KLF3: variants seen among roughly 807,000 people sequenced by gnomAD.
KLF3 encodes KLF transcription factor 3.
KLF3 carries 6 observed loss-of-function variants against 32.7 expected under a neutral mutation model. The observed-to-expected ratio is 0.18, with a 90% CI of 0.10 to 0.36. The LOEUF (loss-of-function observed/expected upper bound fraction) is 0.36, where lower values mean the gene tolerates loss of function less well. Among genes scored for constraint, KLF3 ranks in the 10% least tolerant of loss-of-function variants. The pLI, the probability that KLF3 is intolerant of heterozygous loss-of-function variation, is 1.00. For synonymous variants in KLF3, 145 were observed against 172.8 expected, an observed-to-expected ratio of 0.84 and a Z score of 1.26; for missense variants, 338 against 449.7, an observed-to-expected ratio of 0.75 and a Z score of 2.25.
At chr4:38,677,330 T>C (rs1048879453) in intron 1 of KLF3, among the ~76,000 whole-genome samples, 3 of 152,144 alleles carry the variant, frequency 2.0e-5, no homozygotes, top group African/African-American at 7.2e-5. Context: ...TAAACTTAGA[T>C]AAAACAAAAA....
At chr4:38,684,541 G>GTTTTTTTTTTTTTTTTTTTGT (rs1722633093) in intron 2 of KLF3, among the ~76,000 whole-genome samples, 1 of 109,176 alleles carries the variant, frequency 9.2e-6, no homozygotes, top group Non-Finnish European at 1.8e-5. Flanking sequence ...GGTTTTTTGT[G>GTTTTTTTTTTTTTTTTTTTGT]TTTTTTTTTT....
Position 38,688,559 on chromosome 4 carries a change from C to CA in KLF3, c.58-25dup, listed in dbSNP as rs1483584668. On this transcript the variant is annotated intron_variant, in intron 2 of 5. Transcript: ENST00000261438. This position sits in a 1 kb window ranked among gnomAD's most constrained non-coding sequence, Gnocchi z 4.9. The stretch of plus-strand genomic sequence containing the variant: ...GTAAATGGACTTATTTGGCTGTTGA[C>CA]ACGTTTTCCTTTTCTTTTCTAATAG... The CA allele has an allele frequency of 1.3e-6, 2 of 1,549,072 alleles. No individual in the cohort carries two copies. The highest frequency in any genetic ancestry group is 1.4e-5 in the African/African-American group (1 of 72,474).
intron 4 of KLF3, among the ~76,000 whole-genome samples, chr4:38,693,099 T>TACAC (rs1171380325): frequency 1.0e-5 from 1 of 95,634 alleles, no homozygotes; most frequent in Non-Finnish European, 2.1e-5. Flanking sequence ...CACGTATATA[T>TACAC]ATATGTACAT....
intron 4 of KLF3, among the ~76,000 whole-genome samples, chr4:38,693,735 A>G (rs1312659907): frequency 6.6e-6 from 1 of 152,222 alleles, no homozygotes; most frequent in Non-Finnish European, 1.5e-5. Flanking sequence ...TATATCAAGT[A>G]ATTAGTCATT....
At position 38,697,551 on chromosome 4, in the gene KLF3, A is replaced by AGG. The variant is rs1444050948; in HGVS notation, c.*290_*291dup. ...AGATACGTTTAATGTAATAAGAACAAGGGAACATGTAAACTAACATAACCA... is the reference window on the plus strand; with the variant it reads ...AGATACGTTTAATGTAATAAGAACAAGGGGGAACATGTAAACTAACATAACCA... On this transcript the variant is annotated 3_prime_UTR_variant, in exon 6 of 6. Coordinates refer to ENST00000261438, the MANE Select transcript of KLF3 (RefSeq NM_016531.6). 1.6e-5 allele frequency: 5 copies of AGG among 306,784 alleles called. No homozygotes were observed. Among genetic ancestry groups the AGG allele is most frequent in the Non-Finnish European group, 3.0e-5 (5 of 166,208 alleles). 19.0% of individuals were successfully genotyped at this position (306,784 alleles called of 1,614,324 possible).
rs993802267 is a variant in KLF3 at position 38,696,552 on chromosome 4, CT to C, written c.857-529del. Among the ~76,000 whole-genome samples, 97 of 152,168 alleles carry C rather than the reference CT, an allele frequency of 6.4e-4. 1 individual carries two copies. The highest frequency in any genetic ancestry group is 2.0e-3 in the African/African-American group (85 of 41,494). ...GAAGAATTCGTATATTTTAGTACCC[CT>C]GAATTAAAGCATTATACTTAGGCCT... On this transcript the variant is annotated intron_variant, in intron 5 of 5. Coordinates refer to ENST00000261438, the MANE Select transcript of KLF3 (RefSeq NM_016531.6).
At chr4:38,669,287 T>A (rs980707082) in intron 1 of KLF3, among the ~76,000 whole-genome samples, 4 of 152,182 alleles carry the variant, frequency 2.6e-5, no homozygotes, top group African/African-American at 9.7e-5. Flanking sequence ...TATGTGATAT[T>A]CTAGTCAGAA....
intron 1 of KLF3, among the ~76,000 whole-genome samples, chr4:38,669,995 T>TA (rs1722153790): frequency 7.6e-6 from 1 of 130,752 alleles, no homozygotes; most frequent in Non-Finnish European, 1.6e-5. Context: ...AGTAAGAAAA[T>TA]AAAAAAATGA....
chr4:38,667,427 C>T (rs1722078774), intron 1 of KLF3, among the ~76,000 whole-genome samples: 1 of 152,212 alleles, frequency 6.6e-6, no homozygotes, highest in African/African-American at 2.4e-5. Context: ...CATGTCTCTA[C>T]ACACTTGATA....
At chr4:38,675,592 AC>A (rs1422438955) in intron 1 of KLF3, among the ~76,000 whole-genome samples, 3 of 152,184 alleles carry the variant, frequency 2.0e-5, no homozygotes, top group African/African-American at 7.2e-5. Context: ...TGTGATACCC[AC>A]ATAAAATGAT....
intron 4 of KLF3, among the ~76,000 whole-genome samples, chr4:38,691,164 C>T (rs1472446725): frequency 6.6e-6 from 1 of 152,142 alleles, no homozygotes; most frequent in Non-Finnish European, 1.5e-5. Context: ...GGAGTCGGAG[C>T]AAAAGGCAAA....
chr4:38,670,982 C>T (rs747342504), intron 1 of KLF3, among the ~76,000 whole-genome samples: 11 of 152,198 alleles, frequency 7.2e-5, no homozygotes, highest in Non-Finnish European at 1.3e-4. Context: ...ATTTTGAAAT[C>T]TTAATTGCCT....
At chr4:38,668,357 A>G (rs1579114709) in intron 1 of KLF3, among the ~76,000 whole-genome samples, 1 of 152,064 alleles carries the variant, frequency 6.6e-6, no homozygotes, top group African/African-American at 2.4e-5. Flanking sequence ...AAAAGGAATC[A>G]TCTACAGCAT....
chr4:38,687,237 T>G (rs1304774788), intron 2 of KLF3, among the ~76,000 whole-genome samples: 2 of 152,242 alleles, frequency 1.3e-5, no homozygotes, highest in African/African-American at 4.8e-5. Context: ...CAAAGAATTT[T>G]CTGCAGGTAA....
At chr4:38,693,152 A>G (rs3821999) in intron 4 of KLF3, among the ~76,000 whole-genome samples, 1,572 of 143,428 alleles carry the variant, frequency 0.011, 30 homozygotes, top group East Asian at 0.044. Context: ...GTGTATATAT[A>G]TACATATATA....
rs1034895795 is a variant in KLF3, at chr4:38,699,305, A to G, written c.*2042A>G. 6.6e-6 allele frequency: 1 copy of G among 152,048 alleles called. No individual in the cohort carries two copies. The highest frequency in any genetic ancestry group is 2.4e-5 in the African/African-American group (1 of 41,380). The allele number at this position is 152,048 out of a possible 1,614,324, so 9.4% of individuals were successfully genotyped here. A position where few individuals can be genotyped will look rare whatever the true frequency, so the allele number is the denominator to read the frequency against. On this transcript the variant is annotated 3_prime_UTR_variant, in exon 6 of 6. Transcript: ENST00000261438. ...GCTGAAGTTTTTCTTTTTTGCAACT[A>G]TGACATGAATTGAGTGATAAAATGG...
chr4:38,700,667 T>A lies in KLF3; in HGVS notation c.*3404T>A, dbSNP rs1183353176. On this transcript the variant is annotated 3_prime_UTR_variant, in exon 6 of 6. Coordinates refer to ENST00000261438, the MANE Select transcript of KLF3 (RefSeq NM_016531.6). ...AGAGGGTCAAAATAATCTTTCTGCTTAGCATCTCTTAAACCATACCTGCAA... is the reference window on the plus strand; with the variant it reads ...AGAGGGTCAAAATAATCTTTCTGCTAAGCATCTCTTAAACCATACCTGCAA... The A allele has an allele frequency of 6.6e-6, 1 of 152,240 alleles. No homozygotes were observed. Among genetic ancestry groups the A allele is most frequent in the Non-Finnish European group, 1.5e-5 (1 of 68,030 alleles). 9.4% of individuals were successfully genotyped at this position (152,240 alleles called of 1,614,324 possible). A position where few individuals can be genotyped will look rare whatever the true frequency, so the allele number is the denominator to read the frequency against.
At chr4:38,680,912 TG>T (rs1339075856) in intron 2 of KLF3, 1 of 375,012 alleles carries the variant, frequency 2.7e-6, no homozygotes, top group Non-Finnish European at 5.2e-6. Flanking sequence ...TAGCCGGGCG[TG>T]GTGGCACATG....
intron 2 of KLF3, among the ~76,000 whole-genome samples, chr4:38,681,312 AT>A (rs1722518959): frequency 6.6e-6 from 1 of 152,188 alleles, no homozygotes; most frequent in African/African-American, 2.4e-5. Context: ...GTGTAAAAAT[AT>A]ATTAAGAATA....
Sources: gnomAD v4.1 joint callset for allele counts (sites outside exome capture counted in the v4.1 genomes callset) on GRCh38, gnomAD v4.1.1 for gene constraint, Gnocchi (gnomAD v3.1) non-coding constraint, MANE v1.5 for transcripts, NCBI Gene and HGNC (gene_info 2026-07-23, HGNC 2026-07-21) for gene names.